NID2: variants seen among roughly 807,000 people sequenced by gnomAD.
NID2 encodes nidogen-2.
In NID2, 83 loss-of-function variants were observed where a neutral mutation model predicts 145.4. The ratio of observed to expected loss-of-function variants is 0.57; its 90% confidence interval spans 0.48 to 0.69. NID2 has a LOEUF of 0.69. Ranked by LOEUF, NID2 falls within the 30% of genes least tolerant of loss-of-function variation. NID2 has a pLI of 0.00. For missense variants in NID2, 1,807 were observed against 1,765.7 expected, an observed-to-expected ratio of 1.02 and a Z score of -0.42; for synonymous variants, 739 against 701.3, an observed-to-expected ratio of 1.05 and a Z score of -0.85.
At position 52,046,341 on chromosome 14, in the gene NID2, A is replaced by AC. The variant is rs11471749; in HGVS notation, c.1430-3411_1430-3410insG. 2.4e-5 allele frequency among the ~76,000 whole-genome samples: 3 copies of AC among 123,172 alleles called. 1 individual carries two copies. The highest frequency in any genetic ancestry group is 3.3e-5 in the Non-Finnish European group (2 of 61,348). 80.8% of individuals were successfully genotyped at this position (123,172 alleles called of 152,430 possible). A position where few individuals can be genotyped will look rare whatever the true frequency, so the allele number is the denominator to read the frequency against. ...CCATCTCAAAAAAAAAAAAAAAAAA[A>AC]AGCCGTTTTCATAATATTCAGATAA... On this transcript the variant is annotated intron_variant, in intron 5 of 21. Transcript: ENST00000216286.
At chr14:52,025,973 A>G (rs1891573480) in intron 12 of NID2, among the ~76,000 whole-genome samples, 1 of 152,260 alleles carries the variant, frequency 6.6e-6, no homozygotes, top group Non-Finnish European at 1.5e-5. Context: ...TTAGTTCAGC[A>G]TAAATTGTTC....
chr14:52,032,413 G>A (rs940974911), intron 9 of NID2, among the ~76,000 whole-genome samples: 5 of 152,160 alleles, frequency 3.3e-5, no homozygotes, highest in Admixed American at 6.5e-5. Flanking sequence ...TTGGAGGTCC[G>A]TTCCTCTGGA....
Position 52,028,778 on chromosome 14 carries a change from T to G in NID2, c.2474A>C (p.Tyr825Ser). 6.2e-7 allele frequency: 1 copy of G among 1,614,114 alleles called. No homozygotes were observed. Among genetic ancestry groups the G allele is most frequent in the Non-Finnish European group, 8.5e-7 (1 of 1,179,994 alleles). Residue 825 changes from tyrosine (Y) to serine (S), a missense_variant, in exon 11 of 22, where the codon TAC becomes TCC. Tyr to Ser is a moderately radical substitution (Grantham distance 144). Coordinates refer to ENST00000216286, the MANE Select transcript of NID2 (RefSeq NM_007361.4). ...ATAACCACTCCGGCACTCACACCTG[T>G]AGCTTCCAGGCAAGTTGATACATAC... The part of the protein sequence containing the change: ...NSVCINLPGS[Y>S]RCECRSGYEF...
Position 52,020,019 on chromosome 14 carries a change from T to A in NID2, c.2794+40A>T, listed in dbSNP as rs1007700016. 9.9e-6 allele frequency: 16 copies of A among 1,610,060 alleles called. No homozygotes were observed. In the African/African-American group the frequency reaches 2.0e-4, roughly 20 times the overall value. Reference sequence around the variant, plus strand: ...CATAGAAAAATATCCTTGAAGGAGCTAAGAGATTCATGTGCCTAATCTGGC... The same window carrying A: ...CATAGAAAAATATCCTTGAAGGAGCAAAGAGATTCATGTGCCTAATCTGGC... On this transcript the variant is annotated intron_variant, in intron 13 of 21. Coordinates refer to ENST00000216286, the MANE Select transcript of NID2 (RefSeq NM_007361.4).
At position 52,014,348 on chromosome 14, in the gene NID2, T is replaced by TAGCC; in HGVS notation, c.3355_3358dup (p.Tyr1120TrpfsTer16). 1 of 1,614,202 alleles carries TAGCC rather than the reference T, an allele frequency of 6.2e-7. No homozygotes were observed. The highest frequency in any genetic ancestry group is 8.5e-7 in the Non-Finnish European group (1 of 1,180,020). ...AAGCCTGGTGCCATTGAGGGGTAAG[T>TAGCC]AGCCAATCTGCTGGCCCTGAGTATA... On this transcript the variant is annotated frameshift_variant, in exon 16 of 22. Transcript: ENST00000216286. LOFTEE classifies it high-confidence loss of function.
Position 52,017,525 on chromosome 14 carries a change from C to G in NID2, c.3028+1536G>C, listed in dbSNP as rs73284400. ...ACTTCTCAGTCTCTTGGTTCCCCCCCCTTTAAAATCTTGGTTCCCCCTTTA... is the reference window on the plus strand; with the variant it reads ...ACTTCTCAGTCTCTTGGTTCCCCCCGCTTTAAAATCTTGGTTCCCCCTTTA... On this transcript the variant is annotated intron_variant, in intron 14 of 21. Coordinates refer to ENST00000216286, the MANE Select transcript of NID2 (RefSeq NM_007361.4). Among the ~76,000 whole-genome samples, 943 of 151,960 alleles carry G rather than the reference C, an allele frequency of 6.2e-3. 8 individuals are homozygous for G. The highest frequency in any genetic ancestry group is 0.022 in the African/African-American group (901 of 41,408).
intron 2 of NID2, among the ~76,000 whole-genome samples, chr14:52,061,103 C>T (rs1434320803): frequency 3.9e-5 from 6 of 152,190 alleles, no homozygotes. Flanking sequence ...ACGTCCCTCC[C>T]AGGCTCAGTT....
chr14:52,019,740 G>A (rs1891335447), intron 13 of NID2, among the ~76,000 whole-genome samples: 1 of 152,156 alleles, frequency 6.6e-6, no homozygotes, highest in Non-Finnish European at 1.5e-5. Flanking sequence ...CGGCGCATAA[G>A]GCTCTGCTTA....
At position 52,019,255 on chromosome 14, in the gene NID2, C is replaced by T. The variant is rs774075467; in HGVS notation, c.2834G>A (p.Arg945His). The T allele has an allele frequency of 1.6e-5, 25 of 1,603,910 alleles. No individual in the cohort carries two copies. The highest frequency in any genetic ancestry group is 1.7e-4 in the Middle Eastern group (1 of 6,052). Residue 945 changes from arginine to histidine, a missense_variant, in exon 14 of 22, where the codon CGC becomes CAC. Physicochemically the swap from Arg to His is conservative, Grantham distance 29. Transcript: ENST00000216286. The stretch of plus-strand genomic sequence containing the variant: ...GTAGGCATACTGGGCCTGGGCATGG[C>T]GCTGCTGTTGTTCACAGGGTGTCAG... ...SSLTPCEQQQ[R>H]HAQAQYAYPG... is the part of the protein sequence containing the mutation.
At chr14:52,024,889 A>G (rs1891535888) in intron 12 of NID2, among the ~76,000 whole-genome samples, 1 of 152,166 alleles carries the variant, frequency 6.6e-6, no homozygotes, top group Non-Finnish European at 1.5e-5. Context: ...CAAGTAGAAG[A>G]AAAAAGGAGG....
Position 52,006,654 on chromosome 14 carries a change from T to C in NID2, c.3887A>G (p.Lys1296Arg), listed in dbSNP as rs147018937. The C allele has an allele frequency of 2.0e-3, 3,270 of 1,613,400 alleles. 6 individuals carry two copies. Among genetic ancestry groups the C allele is most frequent in the Non-Finnish European group, 2.5e-3 (3,003 of 1,179,526 alleles). The change falls in exon 20 of 22, where the codon AAA becomes AGA. Residue 1296 changes from lysine (K) to arginine (R), a missense_variant. Lys to Arg is a conservative substitution (Grantham distance 26, BLOSUM62 2). Coordinates refer to ENST00000216286, the MANE Select transcript of NID2 (RefSeq NM_007361.4). ...KLLCWADAGTKKLECTLPDGT... is the reference protein window; with the variant it reads ...KLLCWADAGTRKLECTLPDGT... Reference sequence around the variant, plus strand: ...ATCAGGTAGTGTACACTCCAGTTTTTTGGTTCCTTTTAAAACAAAGGGGGA... The same window carrying C: ...ATCAGGTAGTGTACACTCCAGTTTTCTGGTTCCTTTTAAAACAAAGGGGGA...
intron 5 of NID2, among the ~76,000 whole-genome samples, chr14:52,046,600 G>C (rs1892505600): frequency 1.3e-5 from 2 of 152,174 alleles, no homozygotes. Flanking sequence ...GGGCGATGCA[G>C]CCAGCAACTT....
At chr14:52,030,501 G>GAAAGAA (rs1555363694) in intron 9 of NID2, among the ~76,000 whole-genome samples, 24 of 34,894 alleles carry the variant, frequency 6.9e-4, no homozygotes, top group South Asian at 1.6e-3. Flanking sequence ...AAGAAAGAAA[G>GAAAGAA]AGAAAGAAAG....
At chr14:52,010,043 G>C (rs1188961497) in intron 18 of NID2, 1 of 152,102 alleles carries the variant, frequency 6.6e-6, no homozygotes, top group Non-Finnish European at 1.5e-5. Flanking sequence ...TGTCAGAAAG[G>C]CAAGCCTATG....
chr14:52,011,563 C>G lies in NID2; in HGVS notation c.3541G>C (p.Val1181Leu), dbSNP rs770369033. The G allele has an allele frequency of 2.5e-6, 4 of 1,614,118 alleles. No individual in the cohort carries two copies. The highest frequency in any genetic ancestry group is 3.4e-6 in the Non-Finnish European group (4 of 1,180,006). ...LELGAEPETI[V>L]NSGLISPEGL... Reference sequence around the variant, plus strand: ...GAGTGAAGCTGCTGACCTGAATTCACGATCGTCTCAGGCTCTGCTCCCAGT... The same window carrying G: ...GAGTGAAGCTGCTGACCTGAATTCAGGATCGTCTCAGGCTCTGCTCCCAGT... Residue 1181 changes from valine (V) to leucine (L), a missense_variant, in exon 17 of 22, where the codon GTG (valine) becomes CTG (leucine). Val to Leu is a conservative substitution (Grantham distance 32, BLOSUM62 1). Coordinates refer to ENST00000216286, the MANE Select transcript of NID2 (RefSeq NM_007361.4).
At chr14:52,038,659 T>C in intron 9 of NID2, 88 bp downstream of exon 9, 2 of 1,017,402 alleles carry the variant, frequency 2.0e-6, no homozygotes, top group Non-Finnish European at 2.8e-6. Context: ...AGCATGGCAC[T>C]AGGTAACCCT....
chr14:52,007,644 C>G (rs1890838526), intron 19 of NID2, 166 bp downstream of exon 19: 1 of 672,316 alleles, frequency 1.5e-6, no homozygotes, highest in Admixed American at 2.7e-5. Flanking sequence ...CCAGAAAGTT[C>G]ATTTTAAGAC....
At chr14:52,024,812 A>G (rs1316848858) in intron 12 of NID2, among the ~76,000 whole-genome samples, 1 of 152,154 alleles carries the variant, frequency 6.6e-6, no homozygotes, top group East Asian at 1.9e-4. Context: ...TTAAATTCCC[A>G]ATATGGAAAA....
At chr14:52,016,978 T>C (rs991754943) in intron 14 of NID2, among the ~76,000 whole-genome samples, 1 of 152,216 alleles carries the variant, frequency 6.6e-6, no homozygotes, top group African/African-American at 2.4e-5. Flanking sequence ...TCATGACCCA[T>C]GGGAGACAAA....
Sources: gnomAD v4.1 joint callset for allele counts (sites outside exome capture counted in the v4.1 genomes callset) on GRCh38, gnomAD v4.1.1 for gene constraint, MANE v1.5 for transcripts, NCBI Gene and HGNC (gene_info 2026-07-23, HGNC 2026-07-21) for gene names.